The following HSD17B12 variants were observed in gnomAD, a reference collection of about 807,000 sequenced individuals.
HSD17B12 encodes hydroxysteroid 17-beta dehydrogenase 12.
HSD17B12 carries 32 observed loss-of-function variants against 39.3 expected under a neutral mutation model. The ratio of observed to expected loss-of-function variants is 0.81; its 90% CI spans 0.61 to 1.09. The LOEUF (loss-of-function observed/expected upper bound fraction) is 1.09, where lower values mean the gene tolerates loss of function less well. Ranked by LOEUF, HSD17B12 falls within the 50% of genes least tolerant of loss-of-function variation. The pLI is 0.00. For synonymous variants in HSD17B12, 150 were observed against 146.7 expected, an observed-to-expected ratio of 1.02 and a Z score of -0.16; for missense variants, 342 against 382.9, an observed-to-expected ratio of 0.89 and a Z score of 0.89.
chr11:43,663,577 A>G, the HSD17B12 span, among the ~76,000 whole-genome samples: 1 of 152,210 alleles, frequency 6.6e-6, no homozygotes, highest in African/African-American at 2.4e-5. Context: ...AAAGTAAGGC[A>G]GACAAATTTT....
chr11:43,564,994 G>T, the HSD17B12 span, among the ~76,000 whole-genome samples: 1 of 151,636 alleles, frequency 6.6e-6, no homozygotes, highest in African/African-American at 2.4e-5. Context: ...CCGTCTCCTG[G>T]GTTCAAGCAA....
intron 1 of HSD17B12, among the ~76,000 whole-genome samples, chr11:43,747,287 A>G (rs1439206440): frequency 6.6e-6 from 1 of 152,228 alleles, no homozygotes; most frequent in Non-Finnish European, 1.5e-5. Context: ...GTAAAGTGCC[A>G]TAGACTTAAA....
chr11:43,731,520 G>A (rs1157509634), intron 1 of HSD17B12, among the ~76,000 whole-genome samples: 2 of 152,172 alleles, frequency 1.3e-5, no homozygotes, highest in African/African-American at 2.4e-5. Context: ...TGTCCTACTG[G>A]TGTGTTTGCA....
the HSD17B12 span, among the ~76,000 whole-genome samples, chr11:43,651,185 A>G: frequency 2.6e-5 from 4 of 152,258 alleles, no homozygotes; most frequent in Non-Finnish European, 5.9e-5. Flanking sequence ...AGGGCAAGGT[A>G]AATGTTGCCC....
the HSD17B12 span, among the ~76,000 whole-genome samples, chr11:43,616,797 TAAAAAAAAAAA>T: frequency 1.7e-5 from 1 of 59,710 alleles, no homozygotes; most frequent in Non-Finnish European, 3.0e-5. Flanking sequence ...GTGCCCAAAC[TAAAAAAAAAAA>T]AAAAAAAAAA....
chr11:43,690,254 G>A (rs1227119085), intron 1 of HSD17B12, among the ~76,000 whole-genome samples: 1 of 150,486 alleles, frequency 6.6e-6, no homozygotes, highest in Non-Finnish European at 1.5e-5. Context: ...GTAAGGCAAG[G>A]ATCTTTGTCT....
chr11:43,764,401 A>G (rs1187992857), intron 3 of HSD17B12, among the ~76,000 whole-genome samples: 1 of 152,148 alleles, frequency 6.6e-6, no homozygotes, highest in African/African-American at 2.4e-5. Flanking sequence ...TTAGATTTAA[A>G]TAAGCACTTA....
At chr11:43,660,521 C>G in the HSD17B12 span, among the ~76,000 whole-genome samples, 1 of 152,140 alleles carries the variant, frequency 6.6e-6, no homozygotes, top group Non-Finnish European at 1.5e-5. Context: ...CATTGAGACA[C>G]CACTACATAT....
intron 1 of HSD17B12, among the ~76,000 whole-genome samples, chr11:43,682,984 G>C (rs973489580): frequency 6.6e-6 from 1 of 151,768 alleles, no homozygotes; most frequent in African/African-American, 2.4e-5. Flanking sequence ...TAGAGACAAG[G>C]CCTCACTCTG....
the HSD17B12 span, among the ~76,000 whole-genome samples, chr11:43,663,870 AT>A: frequency 1.4e-4 from 20 of 147,724 alleles, no homozygotes; most frequent in East Asian, 2.0e-4. Context: ...TATTTTTATT[AT>A]TTTTTTTTTG....
At chr11:43,658,614 C>T in the HSD17B12 span, among the ~76,000 whole-genome samples, 1 of 152,186 alleles carries the variant, frequency 6.6e-6, no homozygotes, top group Admixed American at 6.5e-5. Flanking sequence ...TTCTAACAGT[C>T]AGGACCCTCA....
the HSD17B12 span, among the ~76,000 whole-genome samples, chr11:43,656,269 C>CATCTATTTGA: frequency 6.6e-6 from 1 of 151,992 alleles, no homozygotes; most frequent in Non-Finnish European, 1.5e-5. Context: ...TTTTTTATTG[C>CATCTATTTGA]ATCTATTTGA....
chr11:43,607,813 T>C, the HSD17B12 span, among the ~76,000 whole-genome samples: 3 of 152,258 alleles, frequency 2.0e-5, no homozygotes, highest in East Asian at 5.8e-4. Context: ...AAGCTGTGGG[T>C]TAGAAGTTAG....
the HSD17B12 span, among the ~76,000 whole-genome samples, chr11:43,625,430 A>G: frequency 1.3e-5 from 2 of 151,636 alleles, no homozygotes; most frequent in South Asian, 4.2e-4. Flanking sequence ...AATTAAAGTA[A>G]CAATAGATAA....
intron 1 of HSD17B12, among the ~76,000 whole-genome samples, chr11:43,727,460 A>G (rs1950231537): frequency 6.6e-6 from 1 of 151,092 alleles, no homozygotes; most frequent in Non-Finnish European, 1.5e-5. Context: ...AATCTTGATC[A>G]TGCTAGAGAA....
intron 1 of HSD17B12, among the ~76,000 whole-genome samples, chr11:43,722,545 C>T (rs1950185379): frequency 6.6e-6 from 1 of 151,916 alleles, no homozygotes; most frequent in Non-Finnish European, 1.5e-5. Context: ...GCTCTTGTCT[C>T]TACAAAAAAT....
At chr11:43,849,030 C>T (rs1047713496) in intron 9 of HSD17B12, among the ~76,000 whole-genome samples, 1 of 152,194 alleles carries the variant, frequency 6.6e-6, no homozygotes, top group Non-Finnish European at 1.5e-5. Context: ...CAGCTGGGCA[C>T]AGTGACTCAC....
intron 3 of HSD17B12, among the ~76,000 whole-genome samples, chr11:43,770,775 T>G (rs910272652): frequency 6.6e-6 from 1 of 152,150 alleles, no homozygotes; most frequent in Admixed American, 6.5e-5. Flanking sequence ...TTATTATCCT[T>G]TAAGGCCTCT....
intron 1 of HSD17B12, among the ~76,000 whole-genome samples, chr11:43,719,630 AT>A (rs1427632753): frequency 0.034 from 2,045 of 59,910 alleles, 24 homozygotes; most frequent in African/African-American, 0.067. Flanking sequence ...AAAAAAAAAT[AT>A]ATATATATAT....
Sources: gnomAD v4.1 joint callset for allele counts (sites outside exome capture counted in the v4.1 genomes callset) on GRCh38, gnomAD v4.1.1 for gene constraint, MANE v1.5 for transcripts, NCBI Gene and HGNC (gene_info 2026-07-23, HGNC 2026-07-21) for gene names.